Variants in SLC44A5 observed in about 807,000 individuals in gnomAD.
SLC44A5 encodes the protein choline transporter-like protein 5.
SLC44A5 carries 57 observed loss-of-function variants against 101.8 expected under a neutral mutation model. The observed-to-expected ratio is 0.56, with a 90% CI of 0.45 to 0.70. The LOEUF is 0.70. Among genes scored for constraint, SLC44A5 ranks in the 30% least tolerant of loss-of-function variants. The pLI is 0.00. For synonymous variants in SLC44A5, 281 were observed against 290.9 expected, an observed-to-expected ratio of 0.97 and a Z score of 0.35; for missense variants, 737 against 853.1, an observed-to-expected ratio of 0.86 and a Z score of 1.70.
intron 1 of SLC44A5, among the ~76,000 whole-genome samples, chr1:75,583,473 TA>T (rs1488586815): frequency 6.6e-6 from 1 of 152,164 alleles, no homozygotes; most frequent in Non-Finnish European, 1.5e-5. Flanking sequence ...ACAGCCCTCT[TA>T]GGGTCCTCTT....
intron 6 of SLC44A5, among the ~76,000 whole-genome samples, chr1:75,256,295 G>A (rs1650016384): frequency 6.6e-6 from 1 of 152,070 alleles, no homozygotes; most frequent in Non-Finnish European, 1.5e-5. Context: ...GACCTTCAGG[G>A]AAAAGGGGCC....
At chr1:75,616,213 C>A in the SLC44A5 span, among the ~76,000 whole-genome samples, 12 of 151,894 alleles carry the variant, frequency 7.9e-5, no homozygotes, top group Admixed American at 7.9e-4. Flanking sequence ...CCGCCCAGCG[C>A]TGACCTCCCC....
intron 2 of SLC44A5, among the ~76,000 whole-genome samples, chr1:75,407,799 G>A (rs1662978794): frequency 6.6e-6 from 1 of 152,150 alleles, no homozygotes; most frequent in Non-Finnish European, 1.5e-5. Context: ...ACATAGGCAT[G>A]GGCAAAGGCT....
chr1:75,219,388 A>G, intron 15 of SLC44A5, 44 bp from the exon 16 acceptor site: 1 of 1,303,010 alleles, frequency 7.7e-7, no homozygotes, highest in Non-Finnish European at 1.1e-6. Context: ...TGGTAGATTG[A>G]AAATAAATGG....
At chr1:75,645,932 A>G in the SLC44A5 span, among the ~76,000 whole-genome samples, 2 of 134,890 alleles carry the variant, frequency 1.5e-5, no homozygotes, top group African/African-American at 5.0e-5. Context: ...CTCAAAGATC[A>G]GATAGTTGTA....
chr1:75,663,566 G>A, the SLC44A5 span, among the ~76,000 whole-genome samples: 1 of 152,244 alleles, frequency 6.6e-6, no homozygotes, highest in African/African-American at 2.4e-5. Context: ...AAATCTAGAG[G>A]AAATGGATAA....
chr1:75,719,979 C>G, the SLC44A5 span, among the ~76,000 whole-genome samples: 34 of 152,280 alleles, frequency 2.2e-4, no homozygotes, highest in East Asian at 5.6e-3. Flanking sequence ...GTTAATCCAC[C>G]ATGTGGACTT....
At chr1:75,301,776 T>C (rs1557639825) in intron 4 of SLC44A5, among the ~76,000 whole-genome samples, 1 of 152,166 alleles carries the variant, frequency 6.6e-6, no homozygotes, top group Non-Finnish European at 1.5e-5. Flanking sequence ...GTGAGTTCGC[T>C]TACTTAAGGT....
chr1:75,704,145 T>C, the SLC44A5 span, among the ~76,000 whole-genome samples: 1 of 152,128 alleles, frequency 6.6e-6, no homozygotes. Flanking sequence ...TATCTCAAAA[T>C]AAAACCCAGC....
At chr1:75,224,375 A>T (rs1647153346) in intron 13 of SLC44A5, among the ~76,000 whole-genome samples, 1 of 152,176 alleles carries the variant, frequency 6.6e-6, no homozygotes, top group African/African-American at 2.4e-5. Context: ...TACTTACTAT[A>T]AAAAAAGTTA....
At chr1:75,222,322 T>A in intron 14 of SLC44A5, 39 bp downstream of exon 14, 1 of 1,425,398 alleles carries the variant, frequency 7.0e-7, no homozygotes, top group Non-Finnish European at 9.9e-7. Context: ...TTTTACTGAC[T>A]GATACACTTT....
At chr1:75,281,492 T>G (rs1215365732) in intron 5 of SLC44A5, among the ~76,000 whole-genome samples, 1 of 151,438 alleles carries the variant, frequency 6.6e-6, no homozygotes, top group Admixed American at 6.6e-5. Flanking sequence ...CTGCAGAAAT[T>G]TGTCTAAGTA....
intron 2 of SLC44A5, among the ~76,000 whole-genome samples, chr1:75,441,178 C>G (rs1570284586): frequency 6.6e-6 from 1 of 152,060 alleles, no homozygotes; most frequent in East Asian, 1.9e-4. Flanking sequence ...AGAAATAGTG[C>G]ATGACTTTCA....
At chr1:75,535,683 G>T (rs1355713583) in intron 2 of SLC44A5, among the ~76,000 whole-genome samples, 2 of 152,170 alleles carry the variant, frequency 1.3e-5, no homozygotes, top group African/African-American at 4.8e-5. Context: ...ATTTCCTAAA[G>T]AATGGTGCAG....
At chr1:75,244,781 C>G (rs1175975954) in intron 7 of SLC44A5, among the ~76,000 whole-genome samples, 1 of 152,062 alleles carries the variant, frequency 6.6e-6, no homozygotes, top group Non-Finnish European at 1.5e-5. Context: ...AGGAGATACA[C>G]TATTGGTTTT....
At chr1:75,618,979 A>G in the SLC44A5 span, among the ~76,000 whole-genome samples, 1 of 149,872 alleles carries the variant, frequency 6.7e-6, no homozygotes, top group African/African-American at 2.5e-5. Context: ...CTGAGACAGG[A>G]GAATCGCTTG....
At chr1:75,467,444 T>C (rs1050039834) in intron 2 of SLC44A5, among the ~76,000 whole-genome samples, 3 of 152,198 alleles carry the variant, frequency 2.0e-5, no homozygotes, top group East Asian at 1.9e-4. Context: ...TATGGAGCTA[T>C]AGAAACCAAA....
In SLC44A5 at chr1:75,441,721, T is replaced by C. The variant is rs563515965; in HGVS notation, c.14-45100A>G. Among the ~76,000 whole-genome samples, 34 of 152,226 alleles carry C rather than the reference T, an allele frequency of 2.2e-4. No individual in the cohort carries two copies. In the East Asian group the frequency reaches 6.4e-3, roughly 28 times the overall value. On this transcript the variant is annotated intron_variant, in intron 2 of 23. Transcript: ENST00000370859. ...CATGGTCTTCTCTGCTGCTGGATTT[T>C]AACATTTTTTAAATGTTAAAAAATT...
At chr1:75,506,039 G>A (rs1335428720) in intron 2 of SLC44A5, among the ~76,000 whole-genome samples, 1 of 152,058 alleles carries the variant, frequency 6.6e-6, no homozygotes, top group Non-Finnish European at 1.5e-5. Flanking sequence ...ATGGTTCAAG[G>A]TAGGGGTCTA....
Sources: allele counts gnomAD v4.1 joint callset (sites outside exome capture counted in the v4.1 genomes callset), GRCh38; gene constraint gnomAD v4.1.1; transcripts MANE v1.5; gene names NCBI Gene and HGNC (gene_info 2026-07-23, HGNC 2026-07-21).